SEM1: variants seen among roughly 807,000 people sequenced by gnomAD.
SEM1 encodes the protein SEM1 26S proteasome subunit, also known as 26S proteasome complex subunit SEM1.
In SEM1, 3 loss-of-function variants were observed where a neutral mutation model predicts 12.7. The ratio of observed to expected loss-of-function variants is 0.24; its 90% CI spans 0.11 to 0.61. The LOEUF is 0.61. Among genes scored for constraint, SEM1 ranks in the 20% least tolerant of loss-of-function variants. The pLI is 0.88. For missense variants in SEM1, 59 were observed against 81.3 expected (o/e 0.73, Z 1.06); for synonymous variants, 30 against 27.8 (o/e 1.08, Z -0.25).
chr7:96,484,972 A>G, intron 2 of SEM1: 1 of 546,156 alleles, frequency 1.8e-6, no homozygotes, highest in South Asian at 1.7e-5. Flanking sequence ...GTTGAGACTG[A>G]CAAAAAGCAT....
chr7:96,577,188 C>G (rs1584777854), intron 2 of SEM1, among the ~76,000 whole-genome samples: 1 of 152,076 alleles, frequency 6.6e-6, no homozygotes, highest in Admixed American at 6.6e-5. Context: ...GAGCCCTAAC[C>G]ATGAGAAGGT....
intron 2 of SEM1, among the ~76,000 whole-genome samples, chr7:96,570,940 C>T (rs1806004077): frequency 6.7e-6 from 1 of 149,858 alleles, no homozygotes; most frequent in South Asian, 2.1e-4. Flanking sequence ...ATTTGCATTT[C>T]TCTAATGACC....
chr7:96,512,171 C>T (rs1328493893), intron 2 of SEM1, among the ~76,000 whole-genome samples: 1 of 152,072 alleles, frequency 6.6e-6, no homozygotes, highest in Non-Finnish European at 1.5e-5. Context: ...AGCCCAGGAT[C>T]ACCATTATTT....
rs531941474 is a variant in SEM1, at chr7:96,483,682, A to G, written c.*177T>C. The stretch of plus-strand genomic sequence containing the variant: ...TATTAACAATTAAATGCTTCTAATC[A>G]TAATTCATCTGTCTGAACTTGTCAT... On this transcript the variant is annotated 3_prime_UTR_variant, in exon 4 of 4. Transcript: ENST00000356686. 1.8e-4 allele frequency: 128 copies of G among 695,216 alleles called. No homozygotes were observed. The African/African-American group carries it at 2.1e-3, about 11-fold the overall frequency. The allele number at this position is 695,216 out of a possible 1,614,324, so 43.1% of individuals were successfully genotyped here.
intron 2 of SEM1, among the ~76,000 whole-genome samples, chr7:96,662,142 T>C (rs562991357): frequency 6.6e-6 from 1 of 152,126 alleles, no homozygotes; most frequent in East Asian, 1.9e-4. Flanking sequence ...GAACCAGAAA[T>C]GCCATTTGAC....
rs1191585041 is a variant in SEM1, at chr7:96,487,085, A to G, written c.13-668T>C. 2.0e-5 allele frequency among the ~76,000 whole-genome samples: 3 copies of G among 150,750 alleles called. 1 individual carries two copies. Among genetic ancestry groups the G allele is most frequent in the African/African-American group, 7.5e-5 (3 of 40,070 alleles). ...GAGTCCAAGCCTGGTAAAAATGACAACATGCATCTGCACAACCTATTCTAG... is the reference window on the plus strand; with the variant it reads ...GAGTCCAAGCCTGGTAAAAATGACAGCATGCATCTGCACAACCTATTCTAG... On this transcript the variant is annotated intron_variant, in intron 1 of 3. Transcript: ENST00000356686.
intron 2 of SEM1, among the ~76,000 whole-genome samples, chr7:96,530,456 G>A (rs1354731220): frequency 6.6e-6 from 1 of 152,106 alleles, no homozygotes; most frequent in Non-Finnish European, 1.5e-5. Context: ...ATCCCAGGAA[G>A]TGGTTGTAAG....
chr7:96,702,996 A>C (rs1790316740), intron 1 of SEM1, among the ~76,000 whole-genome samples: 1 of 152,252 alleles, frequency 6.6e-6, no homozygotes, highest in Non-Finnish European at 1.5e-5. Flanking sequence ...AAGAGACAGG[A>C]CAAGATAATG....
At chr7:96,498,370 C>T (rs1803375308), upstream of SEM1, among the ~76,000 whole-genome samples, 1 of 71,944 alleles carries the variant, frequency 1.4e-5, no homozygotes, top group Non-Finnish European at 2.6e-5. Flanking sequence ...TGCATGTGCA[C>T]GTGTGTCTGT....
intron 2 of SEM1, among the ~76,000 whole-genome samples, chr7:96,517,995 A>T (rs1804148732): frequency 6.6e-6 from 1 of 152,206 alleles, no homozygotes; most frequent in African/African-American, 2.4e-5. Flanking sequence ...TAAGAGACAG[A>T]AGGCATTAGG....
intron 1 of SEM1, among the ~76,000 whole-genome samples, chr7:96,706,902 A>T (rs2116059682): frequency 6.6e-6 from 1 of 152,318 alleles, no homozygotes; most frequent in South Asian, 2.1e-4. Flanking sequence ...CACCAATTTT[A>T]ATTTGTATCT....
chr7:96,567,073 T>C (rs770207471), intron 2 of SEM1, among the ~76,000 whole-genome samples: 1 of 151,636 alleles, frequency 6.6e-6, no homozygotes, highest in Non-Finnish European at 1.5e-5. Flanking sequence ...GTCAGAAATT[T>C]ATGTGTTTCT....
Position 96,615,173 on chromosome 7 carries a change from T to A in SEM1, c.170+79625A>T, listed in dbSNP as rs540132188. ...TCAACAGGTGATTTCACAAGGGATT[T>A]GATTGCATTTACCAGTTTCCATCAT... is the stretch of plus-strand genomic sequence containing the variant. On this transcript the variant is annotated intron_variant and NMD_transcript_variant, in intron 2 of 3. Transcript: ENST00000466986. Among the ~76,000 whole-genome samples, 4 of 151,982 alleles carry A rather than the reference T, an allele frequency of 2.6e-5. No individual in the cohort carries two copies. In the East Asian group the frequency reaches 7.7e-4, roughly 29 times the overall value.
chr7:96,699,256 T>G (rs1429375357), intron 1 of SEM1, among the ~76,000 whole-genome samples: 1 of 152,158 alleles, frequency 6.6e-6, no homozygotes, highest in African/African-American at 2.4e-5. Flanking sequence ...GTGGCATCAT[T>G]CTCTTCACTT....
chr7:96,583,595 G>A (rs1249639813), intron 2 of SEM1, among the ~76,000 whole-genome samples: 5 of 149,948 alleles, frequency 3.3e-5, no homozygotes, highest in Non-Finnish European at 5.9e-5. Context: ...CATTATTAAC[G>A]TGTGGGAGTT....
intron 2 of SEM1, among the ~76,000 whole-genome samples, chr7:96,627,823 C>T (rs1176461299): frequency 6.6e-6 from 1 of 151,912 alleles, no homozygotes; most frequent in Non-Finnish European, 1.5e-5. Flanking sequence ...GTTTCTTTGT[C>T]GATTTTCTGT....
At chr7:96,530,860 G>A (rs997489783) in intron 2 of SEM1, among the ~76,000 whole-genome samples, 2 of 152,096 alleles carry the variant, frequency 1.3e-5, no homozygotes, top group African/African-American at 2.4e-5. Context: ...ATCCATGTGG[G>A]TTGGGGTGAG....
In SEM1 at chr7:96,629,701, T is replaced by C. The variant is rs548874787; in HGVS notation, c.171-7058A>G. 2.6e-5 allele frequency among the ~76,000 whole-genome samples: 4 copies of C among 152,276 alleles called. No homozygotes were observed. The East Asian group carries it at 7.8e-4, about 30-fold the overall frequency. On this transcript the variant is annotated intron_variant, in intron 2 of 2. Transcript: ENST00000417009. ...GATGGTCATGACACTTGTAGATATTTGTCTGTGTTTGGGCATTGAAGAGTT... is the reference window on the plus strand; with the variant it reads ...GATGGTCATGACACTTGTAGATATTCGTCTGTGTTTGGGCATTGAAGAGTT...
At chr7:96,611,287 A>C (rs1207144381) in intron 2 of SEM1, among the ~76,000 whole-genome samples, 2 of 152,160 alleles carry the variant, frequency 1.3e-5, no homozygotes, top group African/African-American at 4.8e-5. Flanking sequence ...AAAATGAATA[A>C]ATTTATGTAC....
Sources: gnomAD v4.1 joint callset for allele counts (sites outside exome capture counted in the v4.1 genomes callset) on GRCh38, gnomAD v4.1.1 for gene constraint, MANE v1.5 for transcripts, NCBI Gene and HGNC (gene_info 2026-07-23, HGNC 2026-07-21) for gene names.